WWOX: variants seen among roughly 807,000 people sequenced by gnomAD.
WWOX encodes the protein WW domain-containing oxidoreductase.
In WWOX, 69 loss-of-function variants were observed where a neutral mutation model predicts 46.2. The ratio of observed to expected loss-of-function variants is 1.49; its 90% CI spans 1.23 to 1.82. The LOEUF is 1.82. WWOX is among the 40% of genes most tolerant of loss of function. The pLI is 0.00. For missense variants in WWOX, 919 were observed against 542.6 expected (o/e 1.69, Z -6.89); for synonymous variants, 359 against 202.6 (o/e 1.77, Z -6.56).
intron 4 of WWOX, among the ~76,000 whole-genome samples, chr16:78,148,075 AAACAATGAGACACGT>A (rs2034269690): frequency 6.6e-6 from 1 of 152,182 alleles, no homozygotes; most frequent in African/African-American, 2.4e-5. Context: ...CCAGCTGTGA[AAACAATGAGACACGT>A]TCAGTAATAG....
At chr16:78,836,996 A>G (rs1363058031) in intron 8 of WWOX, among the ~76,000 whole-genome samples, 1 of 152,174 alleles carries the variant, frequency 6.6e-6, no homozygotes, top group Non-Finnish European at 1.5e-5. Flanking sequence ...GTTGTTCTCT[A>G]GAACATAGAA....
intron 8 of WWOX, among the ~76,000 whole-genome samples, chr16:78,629,787 A>G (rs181385281): frequency 3.9e-5 from 6 of 152,292 alleles, no homozygotes; most frequent in Non-Finnish European, 4.4e-5. Flanking sequence ...TCATATAAGT[A>G]TTTCTTTGAA....
intron 5 of WWOX, among the ~76,000 whole-genome samples, chr16:78,339,927 A>G (rs72794007): frequency 0.12 from 11,977 of 102,352 alleles, 3,341 homozygotes; most frequent in East Asian, 0.22. Context: ...TAGACCTCCC[A>G]GATGGCCTCA....
intron 8 of WWOX, among the ~76,000 whole-genome samples, chr16:79,179,957 C>G (rs938240154): frequency 6.6e-6 from 1 of 152,248 alleles, no homozygotes; most frequent in African/African-American, 2.4e-5. Flanking sequence ...AGTTTACATA[C>G]AAGACTTAAG....
intron 8 of WWOX, among the ~76,000 whole-genome samples, chr16:78,438,158 C>A (rs992024671): frequency 3.9e-5 from 6 of 152,138 alleles, no homozygotes; most frequent in Admixed American, 3.9e-4. Flanking sequence ...CTTTATGTAT[C>A]AGCATATATT....
rs556111447 is a variant in WWOX, at chr16:78,306,324, G to A, written c.517-80536G>A. On this transcript the variant is annotated intron_variant, in intron 5 of 8. Coordinates refer to ENST00000566780, the MANE Select transcript of WWOX (RefSeq NM_016373.4). ...AGAAGGGTGAGTCTAGCTGTTCCCA[G>A]TGTGTTTCCATGGGTTGTTATGTGT... Among the ~76,000 whole-genome samples the A allele has an allele frequency of 5.3e-5, 8 of 152,264 alleles. No individual in the cohort carries two copies. In the South Asian group the frequency reaches 1.2e-3, roughly 24 times the overall value.
rs569586785 is a variant in WWOX, at chr16:78,115,712, C to G, written c.409+558C>G. ...TGGGTAGATGGCTCAAGAGGGTATC[C>G]TTGCTTCAATATGATGGGCCATTAA... On this transcript the variant is annotated intron_variant, in intron 4 of 8. Transcript: ENST00000566780. 3.3e-5 allele frequency among the ~76,000 whole-genome samples: 5 copies of G among 152,232 alleles called. No homozygotes were observed. In the East Asian group the frequency reaches 7.7e-4, roughly 23 times the overall value.
chr16:79,168,476 A>T (rs1327617210), intron 8 of WWOX, among the ~76,000 whole-genome samples: 2 of 152,314 alleles, frequency 1.3e-5, no homozygotes, highest in South Asian at 2.1e-4. Flanking sequence ...CAAGTTGTGC[A>T]TGTGCAACTG....
chr16:78,531,765 G>C (rs945628395), intron 8 of WWOX, among the ~76,000 whole-genome samples: 7 of 152,162 alleles, frequency 4.6e-5, no homozygotes, highest in African/African-American at 1.2e-4. Flanking sequence ...GGCTGAGACA[G>C]GAGAATCACT....
intron 8 of WWOX, among the ~76,000 whole-genome samples, chr16:78,788,325 C>A (rs2550591): frequency 2.1e-4 from 32 of 152,032 alleles, no homozygotes; most frequent in South Asian, 6.2e-4. Context: ...ACAATATTGC[C>A]TGTGTTAGGC....
At chr16:78,781,594 A>G (rs2050326528) in intron 8 of WWOX, among the ~76,000 whole-genome samples, 1 of 152,076 alleles carries the variant, frequency 6.6e-6, no homozygotes, top group Middle Eastern at 3.4e-3. Context: ...CCCCACCCCC[A>G]CTTTATCCAA....
chr16:78,215,128 C>T (rs1398707015), intron 5 of WWOX, among the ~76,000 whole-genome samples: 1 of 152,010 alleles, frequency 6.6e-6, no homozygotes, highest in Non-Finnish European at 1.5e-5. Context: ...TCTGGCTTTG[C>T]TCTTTGACTG....
At chr16:78,385,311 C>T (rs1056615067) in intron 5 of WWOX, among the ~76,000 whole-genome samples, 4 of 152,122 alleles carry the variant, frequency 2.6e-5, no homozygotes, top group Non-Finnish European at 5.9e-5. Flanking sequence ...CCCAGACTAC[C>T]ATTTATTGCC....
chr16:78,560,632 G>T (rs903441482), intron 8 of WWOX, among the ~76,000 whole-genome samples: 1 of 152,036 alleles, frequency 6.6e-6, no homozygotes, highest in Non-Finnish European at 1.5e-5. Context: ...CAACAAGAGT[G>T]AAACTCTGTC....
chr16:78,637,412 G>T (rs1432286764), intron 8 of WWOX, among the ~76,000 whole-genome samples: 2 of 150,912 alleles, frequency 1.3e-5, no homozygotes, highest in African/African-American at 4.9e-5. Flanking sequence ...CTGTGTTCCA[G>T]CCTGGGCAAC....
In WWOX at chr16:79,211,034, A is replaced by AGTGTGTGTGTGTGTGTGTGTGTGT. The variant is rs58334968; in HGVS notation, c.1057-551_1057-550insTGTGTGTGTGTGTGTGTGTGTGTG. On this transcript the variant is annotated intron_variant, in intron 8 of 8. Transcript: ENST00000566780. Reference sequence around the variant, plus strand: ...TGCTAAGTATGAATGTATGGTGAGGAGTGTGTGTGTGTGTGTGTGTGTGCA... The same window carrying AGTGTGTGTGTGTGTGTGTGTGTGT: ...TGCTAAGTATGAATGTATGGTGAGGAGTGTGTGTGTGTGTGTGTGTGTGTGTGTGTGTGTGTGTGTGTGTGTGCA... Among the ~76,000 whole-genome samples the AGTGTGTGTGTGTGTGTGTGTGTGT allele has an allele frequency of 3.8e-4, 57 of 149,714 alleles. 1 individual carries two copies. Among genetic ancestry groups the AGTGTGTGTGTGTGTGTGTGTGTGT allele is most frequent in the Non-Finnish European group, 6.8e-4 (46 of 67,462 alleles).
At chr16:78,968,129 TGGTCCGTGTGGC>T in intron 8 of WWOX, among the ~76,000 whole-genome samples, 1 of 7,462 alleles carries the variant, frequency 1.3e-4, no homozygotes, top group Non-Finnish European at 5.6e-4. Context: ...GCACAGCGCG[TGGTCCGTGTGGC>T]ACAGCGCGTG....
intron 8 of WWOX, among the ~76,000 whole-genome samples, chr16:78,595,086 C>T (rs1002713957): frequency 3.9e-5 from 6 of 152,176 alleles, no homozygotes; most frequent in African/African-American, 1.4e-4. Flanking sequence ...CTGCCATGCG[C>T]ATGAGGCTGT....
At chr16:78,784,144 C>G (rs2050398575) in intron 8 of WWOX, among the ~76,000 whole-genome samples, 1 of 152,078 alleles carries the variant, frequency 6.6e-6, no homozygotes, top group Admixed American at 6.6e-5. Flanking sequence ...TATAACAACC[C>G]TATAAGTCAG....
Sources: allele counts gnomAD v4.1 joint callset (sites outside exome capture counted in the v4.1 genomes callset), GRCh38; gene constraint gnomAD v4.1.1; transcripts MANE v1.5; gene names NCBI Gene and HGNC (gene_info 2026-07-23, HGNC 2026-07-21).